The following IFNAR2 variants were observed in gnomAD, a reference collection of about 807,000 sequenced individuals.
IFNAR2 encodes interferon alpha and beta receptor subunit 2.
A neutral mutation model predicts 49.4 loss-of-function variants in IFNAR2; 30 were observed. The observed-to-expected ratio is 0.61, with a 90% CI of 0.45 to 0.82. IFNAR2 has a LOEUF of 0.82. Among genes scored for constraint, IFNAR2 ranks in the 40% least tolerant of loss-of-function variants. The pLI, the probability that IFNAR2 is intolerant of heterozygous loss-of-function variation, is 0.00. For synonymous variants in IFNAR2, 224 were observed against 234.5 expected (o/e 0.96, Z 0.41); for missense variants, 600 against 622.7 (o/e 0.96, Z 0.39).
intron 4 of IFNAR2, among the ~76,000 whole-genome samples, chr21:33,246,242 T>C (rs1334315714): frequency 6.6e-6 from 1 of 152,108 alleles, no homozygotes; most frequent in African/African-American, 2.4e-5. Flanking sequence ...AGCTAATTTT[T>C]TGTATTTTTA....
chr21:33,260,296 T>TTTAACAGCTTAATTTAACAGACCGAG (rs1457064575), intron 7 of IFNAR2, among the ~76,000 whole-genome samples: 1 of 152,216 alleles, frequency 6.6e-6, no homozygotes, highest in Non-Finnish European at 1.5e-5. Flanking sequence ...AGCTCTTAAT[T>TTTAACAGCTTAATTTAACAGACCGAG]CTGTTTAATT....
At position 33,241,943 on chromosome 21, in the gene IFNAR2, C is replaced by T. The variant is rs1404326487; in HGVS notation, c.21C>T (p.Ala7=). 5.0e-6 allele frequency: 8 copies of T among 1,612,788 alleles called. No homozygotes were observed. The highest frequency in any genetic ancestry group is 1.7e-4 in the Middle Eastern group (1 of 6,056). ...CAAAGATGCTTTTGAGCCAGAATGC[C>T]TTCATCTTCAGATCACTTAATTTGG... is the stretch of plus-strand genomic sequence containing the variant. The part of the protein sequence containing the change: MLLSQN[A]FIFRSLNLVL... The change falls in exon 2 of 9, where the codon GCC becomes GCT. Residue 7 remains alanine, a synonymous_variant. Transcript: ENST00000342136.
intron 1 of IFNAR2, among the ~76,000 whole-genome samples, chr21:33,240,995 C>T (rs537163376): frequency 6.6e-6 from 1 of 152,128 alleles, no homozygotes; most frequent in South Asian, 2.1e-4. Context: ...AATGTGCACA[C>T]ATTGACATAT....
chr21:33,262,747 A>G lies in IFNAR2; in HGVS notation c.841-46A>G, dbSNP rs530711624. 1.4e-4 allele frequency: 212 copies of G among 1,506,218 alleles called. No homozygotes were observed. The African/African-American group carries it at 2.9e-3, about 21-fold the overall frequency. 93.3% of individuals were successfully genotyped at this position (1,506,218 alleles called of 1,614,324 possible). On this transcript the variant is annotated intron_variant, in intron 8 of 8. Coordinates refer to ENST00000342136, the MANE Select transcript of IFNAR2 (RefSeq NM_001289125.3). The stretch of plus-strand genomic sequence containing the variant: ...ATTATGTAGAAAATAAAGAGCAAAC[A>G]GTACAGCTGATACGGACTCTCTCTC...
intron 1 of IFNAR2, among the ~76,000 whole-genome samples, chr21:33,239,160 C>G (rs1219327496): frequency 6.6e-6 from 1 of 152,174 alleles, no homozygotes; most frequent in Admixed American, 6.5e-5. Context: ...CAGACCCACC[C>G]TCCCCTCTCC....
In IFNAR2 at chr21:33,264,528, C is replaced by T. The variant is rs1454844567; in HGVS notation, c.*1028C>T. 1 of 149,768 alleles carries T rather than the reference C, an allele frequency of 6.7e-6. No individual in the cohort carries two copies. Among genetic ancestry groups the T allele is most frequent in the Non-Finnish European group, 1.5e-5 (1 of 67,514 alleles). 9.3% of individuals were successfully genotyped at this position (149,768 alleles called of 1,614,324 possible). A position where few individuals can be genotyped will look rare whatever the true frequency, so the allele number is the denominator to read the frequency against. On this transcript the variant is annotated 3_prime_UTR_variant, in exon 9 of 9. Transcript: ENST00000342136. ...TATTTTAAGTTAAAAAAAAAAAAAG[C>T]AAACACAAAGATGCTTCAAGATCTT...
rs36088527 is a variant in IFNAR2, at chr21:33,245,019, T to C, written c.166T>C (p.Leu56=). 15 of 1,611,422 alleles carry C rather than the reference T, an allele frequency of 9.3e-6. No individual in the cohort carries two copies. The African/African-American group carries it at 1.5e-4, about 16-fold the overall frequency. The change falls in exon 4 of 9, where the codon TTA becomes CTA. Residue 56 remains leucine (L), a synonymous_variant. Coordinates refer to ENST00000342136, the MANE Select transcript of IFNAR2 (RefSeq NM_001289125.3). ...RNFRSILSWE[L]KNHSIVPTHY... is the part of the protein sequence containing the mutation. ...TTTCCGGTCCATCTTATCATGGGAA[T>C]TAAAAAACCACTCCATTGTACCAAC...
intron 5 of IFNAR2, among the ~76,000 whole-genome samples, chr21:33,247,254 C>CTTTTTTTTTTTTTTTTTTT (rs59707670): frequency 2.1e-4 from 19 of 91,572 alleles, no homozygotes; most frequent in South Asian, 3.7e-4. Context: ...TTCTTTCTTT[C>CTTTTTTTTTTTTTTTTTTT]TTTTTTTTTT....
chr21:33,246,429 G>A (rs1987413977), intron 4 of IFNAR2, among the ~76,000 whole-genome samples: 1 of 152,164 alleles, frequency 6.6e-6, no homozygotes, highest in African/African-American at 2.4e-5. Context: ...GTGAACCAAA[G>A]TCCCTGCCCT....
chr21:33,250,810 A>G (rs1289124673), intron 6 of IFNAR2, among the ~76,000 whole-genome samples: 2 of 152,208 alleles, frequency 1.3e-5, no homozygotes, highest in African/African-American at 4.8e-5. Context: ...AAGTGTTGGG[A>G]TTACAAGCAT....
intron 1 of IFNAR2, among the ~76,000 whole-genome samples, chr21:33,232,512 A>G (rs1370527318): frequency 6.6e-6 from 1 of 152,154 alleles, no homozygotes; most frequent in Non-Finnish European, 1.5e-5. Context: ...ATCCATCAGC[A>G]TTGTCATTGG....
chr21:33,262,407 C>T lies in IFNAR2; in HGVS notation c.841-386C>T, dbSNP rs116078871. On this transcript the variant is annotated intron_variant, in intron 8 of 8. Coordinates refer to ENST00000342136, the MANE Select transcript of IFNAR2 (RefSeq NM_001289125.3). The stretch of plus-strand genomic sequence containing the variant: ...AAAATAGTAAGCATACCTCATAGAG[C>T]AGTTGCAAGGGAAAGGTAAATTATA... Among the ~76,000 whole-genome samples the T allele has an allele frequency of 1.4e-3, 204 of 150,318 alleles. 2 individuals are homozygous for T. Among genetic ancestry groups the T allele is most frequent in the African/African-American group, 4.8e-3 (197 of 40,930 alleles).
At position 33,264,759 on chromosome 21, in the gene IFNAR2, C is replaced by A. The variant is rs555544338; in HGVS notation, c.*1259C>A. ...ACCCCAGCACTTTGGGATGCCTAAACAGGCGTATCGCTTGAGGCCAGTAAT... is the reference window on the plus strand; with the variant it reads ...ACCCCAGCACTTTGGGATGCCTAAAAAGGCGTATCGCTTGAGGCCAGTAAT... On this transcript the variant is annotated 3_prime_UTR_variant, in exon 9 of 9. Coordinates refer to ENST00000342136, the MANE Select transcript of IFNAR2 (RefSeq NM_001289125.3). 6.6e-6 allele frequency: 1 copy of A among 152,330 alleles called. No homozygotes were observed. The highest frequency in any genetic ancestry group is 1.9e-4 in the East Asian group (1 of 5,184). The allele number at this position is 152,330 out of a possible 1,614,324, so 9.4% of individuals were successfully genotyped here.
intron 1 of IFNAR2, chr21:33,231,804 C>T: frequency 4.8e-6 from 2 of 416,008 alleles, no homozygotes; most frequent in Non-Finnish European, 6.5e-6. Flanking sequence ...TGCAGTGGCA[C>T]TGTCTTGGCT....
chr21:33,240,710 G>A (rs1035772161), intron 1 of IFNAR2, among the ~76,000 whole-genome samples: 2 of 151,934 alleles, frequency 1.3e-5, no homozygotes, highest in Non-Finnish European at 2.9e-5. Flanking sequence ...CAGCTACTTA[G>A]GGGGACAGGT....
At chr21:33,239,405 G>T (rs1361085510) in intron 1 of IFNAR2, among the ~76,000 whole-genome samples, 1 of 152,182 alleles carries the variant, frequency 6.6e-6, no homozygotes, top group Admixed American at 6.5e-5. Context: ...AAATTGCAAT[G>T]TTGGCTTCTC....
intron 1 of IFNAR2, among the ~76,000 whole-genome samples, chr21:33,237,868 T>C (rs1419629577): frequency 6.6e-6 from 1 of 152,160 alleles, no homozygotes; most frequent in East Asian, 1.9e-4. Flanking sequence ...GAACTTCGTC[T>C]TGTGAAGTCC....
At chr21:33,254,260 C>T (rs1988062577) in intron 7 of IFNAR2, among the ~76,000 whole-genome samples, 1 of 152,126 alleles carries the variant, frequency 6.6e-6, no homozygotes, top group Admixed American at 6.5e-5. Flanking sequence ...CGGGACCTTC[C>T]TACCTTTGGA....
At chr21:33,251,679 T>G in intron 6 of IFNAR2, 1 of 985,214 alleles carries the variant, frequency 1.0e-6, no homozygotes, top group Non-Finnish European at 1.2e-6. Flanking sequence ...AAGAATGTAT[T>G]TTAAAAACTG....
Sources: allele counts gnomAD v4.1 joint callset (sites outside exome capture counted in the v4.1 genomes callset), GRCh38; gene constraint gnomAD v4.1.1; transcripts MANE v1.5; gene names NCBI Gene and HGNC (gene_info 2026-07-23, HGNC 2026-07-21).